STEAP4: variants seen among roughly 807,000 people sequenced by gnomAD.
The protein encoded by STEAP4 is STEAP4 metalloreductase.
STEAP4 carries 36 observed loss-of-function variants against 43.6 expected under a neutral mutation model. The observed-to-expected ratio is 0.83, with a 90% confidence interval of 0.63 to 1.09. The LOEUF (loss-of-function observed/expected upper bound fraction) is 1.09. Ranked by LOEUF, STEAP4 falls within the 50% of genes least tolerant of loss-of-function variation. The probability of loss-of-function intolerance (pLI) is 0.00; values close to 1 mark genes in which losing one functional copy is unlikely to be tolerated. For missense variants in STEAP4, 495 were observed against 546.5 expected (o/e 0.91, Z 0.94); for synonymous variants, 191 against 196.7 (o/e 0.97, Z 0.24).
In STEAP4 at chr7:88,275,025, A is replaced by G. The variant is rs184829910; in HGVS notation, c.*4373T>C. The G allele has an allele frequency of 2.0e-5, 3 of 152,178 alleles. No homozygotes were observed. Among genetic ancestry groups the G allele is most frequent in the East Asian group, 1.9e-4 (1 of 5,162 alleles). The allele number at this position is 152,178 out of a possible 1,614,324, so 9.4% of individuals were successfully genotyped here. On this transcript the variant is annotated 3_prime_UTR_variant, in exon 5 of 5. Transcript: ENST00000380079. The stretch of plus-strand genomic sequence containing the variant: ...TGACCTGTACCTTGTGCTTACTCCT[A>G]TCTCATCCTGTGACTAAGAACACCT...
At chr7:88,280,481 G>C (rs567685218) in intron 4 of STEAP4, among the ~76,000 whole-genome samples, 1 of 152,166 alleles carries the variant, frequency 6.6e-6, no homozygotes, top group African/African-American at 2.4e-5. Flanking sequence ...GGGGTTGGTT[G>C]GTGCTTGACA....
rs76397495 is a variant in STEAP4 at position 88,289,484 on chromosome 7, C to G, written c.-2-5213G>C. Among the ~76,000 whole-genome samples, 544 of 152,234 alleles carry G rather than the reference C, an allele frequency of 3.6e-3. 15 individuals are homozygous for G. The East Asian group carries it at 0.06, about 17-fold the overall frequency. ...TGCACAGTGTATGTAGAGTTTGCACCTTTTTCCTGGGGTTTCAGAAATTTG... is the reference window on the plus strand; with the variant it reads ...TGCACAGTGTATGTAGAGTTTGCACGTTTTTCCTGGGGTTTCAGAAATTTG... On this transcript the variant is annotated intron_variant, in intron 1 of 4. Transcript: ENST00000380079.
At chr7:88,283,206 C>T (rs1427138616) in intron 2 of STEAP4, 38 bp from the exon 3 acceptor site, 2 of 1,499,308 alleles carry the variant, frequency 1.3e-6, no homozygotes, top group Admixed American at 4.7e-5. Flanking sequence ...GTATTTACTC[C>T]TTTTCCTTAT....
At position 88,286,795 on chromosome 7, in the gene STEAP4, ACACACACACACACG is replaced by A. The variant is rs1316173395; in HGVS notation, c.-2-2538_-2-2525del. 5.0e-3 allele frequency among the ~76,000 whole-genome samples: 744 copies of A among 148,840 alleles called. 7 individuals are homozygous for A. Among genetic ancestry groups the A allele is most frequent in the African/African-American group, 0.015 (632 of 41,058 alleles). On this transcript the variant is annotated intron_variant, in intron 1 of 4. Coordinates refer to ENST00000380079, the MANE Select transcript of STEAP4 (RefSeq NM_024636.4). ...CACACACACACACACACACACACACACACACACACACACGCAAACAATGTAAGATGAACAGAAGG... is the reference window on the plus strand; with the variant it reads ...CACACACACACACACACACACACACACAAACAATGTAAGATGAACAGAAGG...
intron 1 of STEAP4, among the ~76,000 whole-genome samples, chr7:88,291,709 T>C (rs1473837697): frequency 6.6e-6 from 1 of 152,120 alleles, no homozygotes; most frequent in African/African-American, 2.4e-5. Flanking sequence ...TTTACTCTTA[T>C]ATCCAGGATA....
intron 1 of STEAP4, among the ~76,000 whole-genome samples, chr7:88,303,356 C>A (rs988168570): frequency 1.3e-5 from 2 of 151,746 alleles, no homozygotes; most frequent in Non-Finnish European, 2.9e-5. Context: ...ATTAGCTGGG[C>A]ATTGTGGTGG....
rs532053042 is a variant in STEAP4, at chr7:88,277,105, A to G, written c.*2293T>C. On this transcript the variant is annotated 3_prime_UTR_variant, in exon 5 of 5. Transcript: ENST00000380079. Reference sequence around the variant, plus strand: ...CCTGGATGGTACCTAAACTTTAATCAACCAATGCTCAAGTAAAAGAGCAGT... The same window carrying G: ...CCTGGATGGTACCTAAACTTTAATCGACCAATGCTCAAGTAAAAGAGCAGT... The G allele has an allele frequency of 2.0e-5, 3 of 152,304 alleles. No homozygotes were observed. Among genetic ancestry groups the G allele is most frequent in the African/African-American group, 7.2e-5 (3 of 41,564 alleles). 9.4% of individuals were successfully genotyped at this position (152,304 alleles called of 1,614,324 possible). A position where few individuals can be genotyped will look rare whatever the true frequency, so the allele number is the denominator to read the frequency against.
rs1396244980 is a variant in STEAP4, at chr7:88,274,977, C to G, written c.*4421G>C. The G allele has an allele frequency of 3.3e-5, 5 of 152,218 alleles. No individual in the cohort carries two copies. Among genetic ancestry groups the G allele is most frequent in the African/African-American group, 1.2e-4 (5 of 41,436 alleles). The allele number at this position is 152,218 out of a possible 1,614,324, so 9.4% of individuals were successfully genotyped here. On this transcript the variant is annotated 3_prime_UTR_variant, in exon 5 of 5. Coordinates refer to ENST00000380079, the MANE Select transcript of STEAP4 (RefSeq NM_024636.4). ...TTTTGGACGGCTTCTTTATTGCATC[C>G]TGTTTTATCAGCAAGGTCTTTGTGA... is the stretch of plus-strand genomic sequence containing the variant.
intron 1 of STEAP4, chr7:88,304,433 A>G (rs964874395): frequency 6.6e-6 from 1 of 151,580 alleles, no homozygotes; most frequent in Non-Finnish European, 1.5e-5. Flanking sequence ...CTTACAACAA[A>G]AAAACAAACA....
chr7:88,283,084 C>G lies in STEAP4; in HGVS notation c.541G>C (p.Gly181Arg), dbSNP rs113875441. The change falls in exon 3 of 5, where the codon GGA becomes CGA. Residue 181 changes from glycine to arginine, a missense_variant. Transcript: ENST00000380079. Reference protein sequence around the residue: ...RNLGLTPMDQGSLMAAKEIEK... With the variant: ...RNLGLTPMDQRSLMAAKEIEK... ...ATTTCTTTGGCTGCCATGAGTGATC[C>G]TTGATCCATTGGAGTAAGTCCAAGA... The G allele has an allele frequency of 1.2e-5, 19 of 1,611,044 alleles. No homozygotes were observed. The highest frequency in any genetic ancestry group is 1.6e-5 in the Non-Finnish European group (19 of 1,178,900).
chr7:88,282,714 T>C lies in STEAP4; in HGVS notation c.911A>G (p.His304Arg), dbSNP rs1852642498. 5 of 1,614,034 alleles carry C rather than the reference T, an allele frequency of 3.1e-6. No homozygotes were observed. Among genetic ancestry groups the C allele is most frequent in the Non-Finnish European group, 4.2e-6 (5 of 1,180,004 alleles). Residue 304 changes from histidine (H) to arginine (R), a missense_variant, in exon 3 of 5, where the codon CAT becomes CGT. His to Arg is a conservative substitution (Grantham distance 29). Transcript: ENST00000380079. The part of the protein sequence containing the change: ...GLVALGFAFL[H>R]VLYTLVIPIR... ...AGGAATCACAAGTGTGTAGAGGACA[T>C]GAAGGAAGGCAAATCCCAGAGCTAC... is the stretch of plus-strand genomic sequence containing the variant.
At chr7:88,297,309 C>T (rs1447695977) in intron 1 of STEAP4, among the ~76,000 whole-genome samples, 1 of 152,068 alleles carries the variant, frequency 6.6e-6, no homozygotes, top group African/African-American at 2.4e-5. Flanking sequence ...GAAAGTTGGA[C>T]AACACACACA....
intron 1 of STEAP4, among the ~76,000 whole-genome samples, chr7:88,295,807 C>T (rs1852914595): frequency 6.6e-6 from 1 of 152,116 alleles, no homozygotes; most frequent in Non-Finnish European, 1.5e-5. Context: ...TTATCTTTTT[C>T]TTTTCCTTTT....
Position 88,283,148 on chromosome 7 carries a change from G to C in STEAP4, c.477C>G (p.Asp159Glu). Residue 159 changes from aspartate (D) to glutamate (E), a missense_variant, in exon 3 of 5, where the codon GAC becomes GAG. Coordinates refer to ENST00000380079, the MANE Select transcript of STEAP4 (RefSeq NM_024636.4). Reference sequence around the variant, plus strand: ...CCATCACTCTTTGCTTGGCTTTGCTGTCATTTCCACACACAAACACCTAGT... The same window carrying C: ...CCATCACTCTTTGCTTGGCTTTGCTCTCATTTCCACACACAAACACCTAGT... ...ASRQVFVCGN[D>E]SKAKQRVMDI... The C allele has an allele frequency of 6.4e-7, 1 of 1,555,124 alleles. No individual in the cohort carries two copies. The highest frequency in any genetic ancestry group is 8.7e-7 in the Non-Finnish European group (1 of 1,153,602).
At chr7:88,305,353 C>T (rs1853110906) in intron 1 of STEAP4, among the ~76,000 whole-genome samples, 1 of 152,126 alleles carries the variant, frequency 6.6e-6, no homozygotes, top group Non-Finnish European at 1.5e-5. Context: ...GGTCAAATCT[C>T]ATATTGTGCT....
intron 2 of STEAP4, 179 bp downstream of exon 2, chr7:88,283,635 G>C (rs972448291): frequency 4.4e-6 from 3 of 688,246 alleles, no homozygotes; most frequent in South Asian, 2.0e-5. Context: ...GACAGTGGGA[G>C]ATATAACAGT....
chr7:88,275,603 GT>G lies in STEAP4; in HGVS notation c.*3794del, dbSNP rs1563493152. 137 of 100,610 alleles carry G rather than the reference GT, an allele frequency of 1.4e-3. No homozygotes were observed. The highest frequency in any genetic ancestry group is 3.7e-3 in the South Asian group (14 of 3,740). 6.2% of individuals were successfully genotyped at this position (100,610 alleles called of 1,614,324 possible). A position where few individuals can be genotyped will look rare whatever the true frequency, so the allele number is the denominator to read the frequency against. On this transcript the variant is annotated 3_prime_UTR_variant, in exon 5 of 5. Transcript: ENST00000380079. ...GGCTATCTGTGGGCTCTCATGGGGT[GT>G]GTGTGTGTGTGTGTGTGTGTGTGTG...
intron 4 of STEAP4, among the ~76,000 whole-genome samples, chr7:88,280,306 T>C (rs1852595849): frequency 6.6e-6 from 1 of 152,206 alleles, no homozygotes; most frequent in Non-Finnish European, 1.5e-5. Flanking sequence ...CTCATTAAAT[T>C]TCTGGGCCAC....
Position 88,273,762 on chromosome 7 carries a change from G to A in STEAP4, c.*5636C>T, listed in dbSNP as rs990000928. 16 of 152,252 alleles carry A rather than the reference G, an allele frequency of 1.1e-4. No individual in the cohort carries two copies. The highest frequency in any genetic ancestry group is 3.8e-4 in the African/African-American group (16 of 41,560). 9.4% of individuals were successfully genotyped at this position (152,252 alleles called of 1,614,324 possible). On this transcript the variant is annotated 3_prime_UTR_variant, in exon 5 of 5. Transcript: ENST00000380079. ...TTTTACCTCCCTCCACCAGAACAAA[G>A]CTCCCTTTAGAGTTTAGGAAACCTT... is the stretch of plus-strand genomic sequence containing the variant.
Sources: gnomAD v4.1 joint callset for allele counts (sites outside exome capture counted in the v4.1 genomes callset) on GRCh38, gnomAD v4.1.1 for gene constraint, MANE v1.5 for transcripts, NCBI Gene and HGNC (gene_info 2026-07-23, HGNC 2026-07-21) for gene names.